Variants in SCN4A observed in about 807,000 individuals in gnomAD.
The protein encoded by SCN4A is sodium voltage-gated channel alpha subunit 4, also known as sodium channel protein type 4 subunit alpha.
In SCN4A, 83 loss-of-function variants were observed where a neutral mutation model predicts 162.0. The observed-to-expected ratio is 0.51, with a 90% CI of 0.43 to 0.61. SCN4A has a LOEUF of 0.61. SCN4A is among the 20% of genes least tolerant of loss of function. The probability of loss-of-function intolerance (pLI) is 0.00; values close to 1 mark genes in which losing one functional copy is unlikely to be tolerated. For missense variants in SCN4A, 2,196 were observed against 2,462.5 expected (o/e 0.89, Z 2.29); for synonymous variants, 944 against 985.1 (o/e 0.96, Z 0.78).
chr17:63,958,311 C>T (rs1382460362), intron 12 of SCN4A, among the ~76,000 whole-genome samples: 12 of 147,704 alleles, frequency 8.1e-5, no homozygotes, highest in Admixed American at 4.1e-4. Context: ...GAGCAGTGAT[C>T]GTACCACTGC....
At chr17:63,948,124 C>A (rs1469984513) in intron 16 of SCN4A, 61 bp from the exon 17 acceptor site, 8 of 1,411,456 alleles carry the variant, frequency 5.7e-6, no homozygotes, top group African/African-American at 2.9e-5. Flanking sequence ...GCAGCCAGGT[C>A]CCCTGCCCTG....
At chr17:63,964,425 G>T (rs893126401) in intron 9 of SCN4A, 43 bp downstream of exon 9, 5 of 1,580,846 alleles carry the variant, frequency 3.2e-6, no homozygotes, top group Non-Finnish European at 4.3e-6. Flanking sequence ...GCTGAGGGCA[G>T]GTAGAACCCT....
rs769620551 is a variant in SCN4A, at chr17:63,964,601, T to C, written c.1319A>G (p.Asn440Ser). ...CATGGCCACCACGGCCAGGATCAGA[T>C]TGATGAGGTAGAAAGAGCCCAGGAA... The part of the protein sequence containing the change: ...IIFLGSFYLI[N>S]LILAVVAMAY... The change falls in exon 9 of 24, where the codon AAT becomes AGT. Residue 440 changes from asparagine (N) to serine (S), a missense_variant. Transcript: ENST00000435607. 4 of 1,613,580 alleles carry C rather than the reference T, an allele frequency of 2.5e-6. No individual in the cohort carries two copies. Among genetic ancestry groups the C allele is most frequent in the Non-Finnish European group, 3.4e-6 (4 of 1,179,820 alleles).
intron 12 of SCN4A, among the ~76,000 whole-genome samples, 165 bp downstream of exon 12, chr17:63,959,100 C>T (rs910355596): frequency 6.6e-6 from 1 of 152,154 alleles, no homozygotes; most frequent in East Asian, 1.9e-4. Context: ...CTCTGTTTTA[C>T]AGGTAAGAAA....
intron 17 of SCN4A, 89 bp from the exon 18 acceptor site, chr17:63,947,256 C>G (rs570454891): frequency 6.5e-7 from 1 of 1,529,544 alleles, no homozygotes; most frequent in South Asian, 1.1e-5. Flanking sequence ...GGACTCACAG[C>G]TCCTGGTTGT....
At chr17:63,955,185 T>C (rs1909032895) in intron 13 of SCN4A, among the ~76,000 whole-genome samples, 1 of 152,196 alleles carries the variant, frequency 6.6e-6, no homozygotes. Flanking sequence ...TCTCACTAGT[T>C]GTGTGGTTCT....
At chr17:63,956,951 AG>A (rs1909087104) in intron 13 of SCN4A, among the ~76,000 whole-genome samples, 1 of 152,258 alleles carries the variant, frequency 6.6e-6, no homozygotes, top group Admixed American at 6.5e-5. Flanking sequence ...CTGCTGAATC[AG>A]ACACTCTGGG....
chr17:63,951,371 A>T lies in SCN4A; in HGVS notation c.2853+53T>A. On this transcript the variant is annotated intron_variant, in intron 14 of 23. Coordinates refer to ENST00000435607, the MANE Select transcript of SCN4A (RefSeq NM_000334.4). This position sits in a 1 kb window ranked among gnomAD's most constrained non-coding sequence, Gnocchi z 4.5. ...TCAGAGAGGACTTAGGGCTTGCTCCAGGTCACAGGAGAATTTGAAGCCGGG... is the reference window on the plus strand; with the variant it reads ...TCAGAGAGGACTTAGGGCTTGCTCCTGGTCACAGGAGAATTTGAAGCCGGG... 1 of 1,280,644 alleles carries T rather than the reference A, an allele frequency of 7.8e-7. No individual in the cohort carries two copies. The highest frequency in any genetic ancestry group is 1.1e-6 in the Non-Finnish European group (1 of 920,524). 79.3% of individuals were successfully genotyped at this position (1,280,644 alleles called of 1,614,324 possible). A position where few individuals can be genotyped will look rare whatever the true frequency, so the allele number is the denominator to read the frequency against.
Position 63,945,799 on chromosome 17 carries a change from G to A in SCN4A, c.3442-161C>T, listed in dbSNP as rs868487380. ...GCTGGGCTGTGTGTGTGCAGGTTGG[G>A]GGTGGTAAGGGGGAGGGGGAGGGAG... On this transcript the variant is annotated intron_variant, in intron 18 of 23. Transcript: ENST00000435607. This position sits in a 1 kb window ranked among gnomAD's most constrained non-coding sequence, Gnocchi z 4.4. 3.3e-5 allele frequency among the ~76,000 whole-genome samples: 5 copies of A among 151,856 alleles called. No individual in the cohort carries two copies. The highest frequency in any genetic ancestry group is 2.6e-4 in the Admixed American group (4 of 15,264).
In SCN4A at chr17:63,957,316, C is replaced by T. The variant is rs1300302331; in HGVS notation, c.2222G>A (p.Arg741His). The T allele has an allele frequency of 1.9e-6, 3 of 1,614,030 alleles. No homozygotes were observed. The highest frequency in any genetic ancestry group is 1.3e-5 in the African/African-American group (1 of 74,930). ...GTGGAAGAAATCATGCATGTGCCAG[C>T]GCGGCAGGTTGCAGTCCAAGGCAAT... ...CKIALDCNLP[R>H]WHMHDFFHSF... The change falls in exon 13 of 24, where the codon CGC becomes CAC. Residue 741 changes from arginine (R) to histidine (H), a missense_variant. Coordinates refer to ENST00000435607, the MANE Select transcript of SCN4A (RefSeq NM_000334.4).
intron 10 of SCN4A, chr17:63,961,675 G>C: frequency 1.9e-6 from 1 of 515,154 alleles, no homozygotes; most frequent in South Asian, 2.5e-5. Flanking sequence ...CCGGCTCCAA[G>C]CTCCACCGCC....
intron 5 of SCN4A, among the ~76,000 whole-genome samples, chr17:63,970,486 C>T (rs993671070): frequency 2.0e-5 from 3 of 152,034 alleles, no homozygotes; most frequent in African/African-American, 4.8e-5. Context: ...TCTTTTGAGA[C>T]AGAGTCTTGT....
chr17:63,968,191 TGTC>T lies in SCN4A; in HGVS notation c.865_867del (p.Asp289del), dbSNP rs1909512450. On this transcript the variant is annotated inframe_deletion, in exon 6 of 24. Transcript: ENST00000435607. The stretch of plus-strand genomic sequence containing the variant: ...TCATTGCTGTACCACGTGGTGTTGG[TGTC>T]GTTGAACGGCGGGGGCCAGCGCACA... 6.2e-7 allele frequency: 1 copy of T among 1,613,980 alleles called. No individual in the cohort carries two copies. Among genetic ancestry groups the T allele is most frequent in the East Asian group, 2.2e-5 (1 of 44,884 alleles).
intron 23 of SCN4A, among the ~76,000 whole-genome samples, chr17:63,942,198 G>A (rs200339199): frequency 1.3e-3 from 203 of 152,200 alleles, no homozygotes; most frequent in Non-Finnish European, 2.7e-3. Flanking sequence ...AACTGGAGGT[G>A]GGATACCCTG....
At chr17:63,965,797 G>T (rs1039356374) in intron 8 of SCN4A, among the ~76,000 whole-genome samples, 5 of 152,220 alleles carry the variant, frequency 3.3e-5, no homozygotes, top group Non-Finnish European at 5.9e-5. Flanking sequence ...GGCAGCATTG[G>T]ATTTCTAAGC....
chr17:63,948,521 C>T (rs944317978), intron 16 of SCN4A, 90 bp downstream of exon 16: 15 of 1,158,228 alleles, frequency 1.3e-5, no homozygotes, highest in Non-Finnish European at 1.6e-5. Flanking sequence ...CAGAGCATGG[C>T]CCTTCCTGTG....
intron 23 of SCN4A, 119 bp from the exon 24 acceptor site, chr17:63,942,112 A>G: frequency 2.0e-6 from 2 of 984,162 alleles, no homozygotes; most frequent in Non-Finnish European, 1.5e-6. Context: ...CTCAGAGCAC[A>G]GCCCAGATGA....
rs139534530 is a variant in SCN4A at position 63,967,826 on chromosome 17, G to A, written c.1036+197C>T. Among the ~76,000 whole-genome samples, 862 of 152,046 alleles carry A rather than the reference G, an allele frequency of 5.7e-3. 12 individuals are homozygous for A. Among genetic ancestry groups the A allele is most frequent in the African/African-American group, 0.02 (812 of 41,478 alleles). On this transcript the variant is annotated intron_variant, in intron 6 of 23. Transcript: ENST00000435607. ...CACATGCCTGTAATCCTAGCTACTC[G>A]GGAGGCTGAGGCAGGAGAATCGCTT...
chr17:63,939,160 T>A lies in SCN4A; in HGVS notation c.*1611A>T, dbSNP rs16947280. 1 of 152,794 alleles carries A rather than the reference T, an allele frequency of 6.5e-6. No individual in the cohort carries two copies. The highest frequency in any genetic ancestry group is 1.9e-4 in the East Asian group (1 of 5,158). The allele number at this position is 152,794 out of a possible 1,614,324, so 9.5% of individuals were successfully genotyped here. ...GGTTTTGCTGCTTCCTGAATTTTAA[T>A]CAAACTTTTCATGAGAAACAAGAAG... On this transcript the variant is annotated 3_prime_UTR_variant, in exon 24 of 24. Coordinates refer to ENST00000435607, the MANE Select transcript of SCN4A (RefSeq NM_000334.4).
Sources: allele counts gnomAD v4.1 joint callset (sites outside exome capture counted in the v4.1 genomes callset), GRCh38; gene constraint gnomAD v4.1.1; non-coding constraint Gnocchi (gnomAD v3.1); transcripts MANE v1.5; gene names NCBI Gene and HGNC (gene_info 2026-07-23, HGNC 2026-07-21).